Variants in TSHZ2 observed in about 807,000 individuals in gnomAD.
TSHZ2 encodes the protein teashirt zinc finger homeobox 2.
A neutral mutation model predicts 74.4 loss-of-function variants in TSHZ2; 21 were observed. The ratio of observed to expected loss-of-function variants is 0.28; its 90% CI spans 0.20 to 0.41. The LOEUF (loss-of-function observed/expected upper bound fraction) is 0.41, where lower values mean the gene tolerates loss of function less well. TSHZ2 is among the 10% of genes least tolerant of loss of function. The pLI is 1.00. For synonymous variants in TSHZ2, 540 were observed against 515.3 expected (o/e 1.05, Z -0.65); for missense variants, 1,244 against 1,293.5 (o/e 0.96, Z 0.59).
chr20:53,397,134 T>C (rs1445712430), intron 2 of TSHZ2, among the ~76,000 whole-genome samples: 2 of 152,126 alleles, frequency 1.3e-5, no homozygotes, highest in African/African-American at 2.4e-5. Flanking sequence ...TGGGATCTAA[T>C]TAAACTAAAG....
At chr20:53,290,140 G>C (rs1415275592) in intron 2 of TSHZ2, among the ~76,000 whole-genome samples, 5 of 152,128 alleles carry the variant, frequency 3.3e-5, no homozygotes, top group African/African-American at 1.2e-4. Context: ...TGTGGAGTCA[G>C]TTGGAGCTAA....
At chr20:53,195,816 C>T (rs1325903807) in intron 1 of TSHZ2, among the ~76,000 whole-genome samples, 3 of 152,148 alleles carry the variant, frequency 2.0e-5, no homozygotes, top group Admixed American at 6.5e-5. Context: ...TAGTATTTCA[C>T]GGAGCAGCCC....
chr20:53,372,937 C>A (rs1412200731), intron 2 of TSHZ2, among the ~76,000 whole-genome samples: 1 of 151,962 alleles, frequency 6.6e-6, no homozygotes, highest in African/African-American at 2.4e-5. Flanking sequence ...GAATAAAGGA[C>A]TTCAAGAAAA....
chr20:53,343,860 A>C (rs1225075053), intron 2 of TSHZ2, among the ~76,000 whole-genome samples: 4 of 152,196 alleles, frequency 2.6e-5, no homozygotes, highest in Non-Finnish European at 5.9e-5. Context: ...AAAATGAGAC[A>C]CTTAGGAGAG....
intron 2 of TSHZ2, among the ~76,000 whole-genome samples, chr20:53,300,621 A>G (rs980498575): frequency 3.9e-5 from 6 of 152,340 alleles, no homozygotes; most frequent in African/African-American, 1.4e-4. Flanking sequence ...CTTTTCTTTT[A>G]AAATGAGTAG....
chr20:53,417,285 T>G (rs995034155), intron 2 of TSHZ2, among the ~76,000 whole-genome samples: 2 of 132,662 alleles, frequency 1.5e-5, no homozygotes, highest in African/African-American at 5.4e-5. Context: ...CACACCATAG[T>G]TTTTTTTTTT....
At chr20:53,225,631 C>A (rs1028706638) in intron 1 of TSHZ2, among the ~76,000 whole-genome samples, 7 of 152,200 alleles carry the variant, frequency 4.6e-5, no homozygotes, top group Non-Finnish European at 8.8e-5. Context: ...GCTATGGCAA[C>A]TATTGGTAGT....
At chr20:53,100,616 A>G (rs1360399796) in intron 1 of TSHZ2, among the ~76,000 whole-genome samples, 3 of 152,088 alleles carry the variant, frequency 2.0e-5, no homozygotes, top group Admixed American at 6.6e-5. Flanking sequence ...GTTTGTGTCA[A>G]CGTTCCCAAG....
At chr20:53,446,026 C>T (rs1984530237) in intron 2 of TSHZ2, among the ~76,000 whole-genome samples, 1 of 152,154 alleles carries the variant, frequency 6.6e-6, no homozygotes, top group Admixed American at 6.5e-5. Context: ...GATGCACCAA[C>T]AACCCCAGTA....
chr20:53,125,327 C>A (rs931447885), intron 1 of TSHZ2, among the ~76,000 whole-genome samples: 5 of 152,122 alleles, frequency 3.3e-5, no homozygotes, highest in African/African-American at 1.2e-4. Flanking sequence ...CCTGGTTACC[C>A]GCTGAGTGGC....
At chr20:53,058,962 T>C (rs1239573382) in intron 1 of TSHZ2, among the ~76,000 whole-genome samples, 1 of 152,240 alleles carries the variant, frequency 6.6e-6, no homozygotes, top group Non-Finnish European at 1.5e-5. Flanking sequence ...TTTCTCCACA[T>C]CCTATCCTGA....
intron 2 of TSHZ2, among the ~76,000 whole-genome samples, chr20:53,441,260 ATTTT>A (rs1438001033): frequency 4.8e-4 from 69 of 142,512 alleles, no homozygotes; most frequent in African/African-American, 1.6e-3. Flanking sequence ...ATTTTATTTT[ATTTT>A]ATTTTATTTT....
chr20:53,427,287 GC>G lies in TSHZ2; in HGVS notation c.*9-59856del, dbSNP rs1449663874. Reference sequence around the variant, plus strand: ...CTGAATGGATATTATGCTAGATGAAGCAGTGAGCTGTGAAATTAACCCTTGA... The same window carrying G: ...CTGAATGGATATTATGCTAGATGAAGAGTGAGCTGTGAAATTAACCCTTGA... On this transcript the variant is annotated intron_variant, in intron 2 of 2. Transcript: ENST00000371497. 3.3e-5 allele frequency among the ~76,000 whole-genome samples: 5 copies of G among 152,280 alleles called. No homozygotes were observed. In the South Asian group the frequency reaches 6.2e-4, roughly 19 times the overall value.
At chr20:53,050,124 T>TACATATATATGTGTATATATATATAC (rs1984388796) in intron 1 of TSHZ2, among the ~76,000 whole-genome samples, 4 of 107,208 alleles carry the variant, frequency 3.7e-5, no homozygotes, top group African/African-American at 2.6e-4. Flanking sequence ...TATATATATA[T>TACATATATATGTGTATATATATATAC]ACACATATAT....
rs187525844 is a variant in TSHZ2 at position 53,024,602 on chromosome 20, C to G, written c.40+51269C>G. 1.8e-3 allele frequency among the ~76,000 whole-genome samples: 278 copies of G among 151,992 alleles called. 1 individual carries two copies. The highest frequency in any genetic ancestry group is 6.2e-3 in the African/African-American group (256 of 41,450). The stretch of plus-strand genomic sequence containing the variant: ...ATGGTGGTTTGCTGCACCCATCAAC[C>G]CATCATTTACATTAGGTATTTCTCC... On this transcript the variant is annotated intron_variant, in intron 1 of 2. Transcript: ENST00000371497.
At chr20:53,448,179 C>T (rs547514499) in intron 2 of TSHZ2, among the ~76,000 whole-genome samples, 41 of 152,270 alleles carry the variant, frequency 2.7e-4, no homozygotes, top group Non-Finnish European at 5.0e-4. Context: ...TGGAAGAAGA[C>T]TTTAATCGGG....
At chr20:53,197,538 CGTATTCACACT>C (rs1164294868) in intron 1 of TSHZ2, among the ~76,000 whole-genome samples, 26 of 152,180 alleles carry the variant, frequency 1.7e-4, no homozygotes, top group Non-Finnish European at 2.9e-5. Context: ...CTGAAATCAC[CGTATTCACACT>C]GTGGGAAATG....
intron 2 of TSHZ2, among the ~76,000 whole-genome samples, chr20:53,354,742 GC>G (rs771321811): frequency 6.6e-6 from 1 of 152,180 alleles, no homozygotes; most frequent in Non-Finnish European, 1.5e-5. Context: ...TCATATACAA[GC>G]AAGACTTTCC....
chr20:53,031,238 T>G (rs1474946820), intron 1 of TSHZ2, among the ~76,000 whole-genome samples: 1 of 152,228 alleles, frequency 6.6e-6, no homozygotes, highest in African/African-American at 2.4e-5. Context: ...TCACAAGCTT[T>G]GAAGGTGCTA....
Sources: gnomAD v4.1 joint callset for allele counts (sites outside exome capture counted in the v4.1 genomes callset) on GRCh38, gnomAD v4.1.1 for gene constraint, MANE v1.5 for transcripts, NCBI Gene and HGNC (gene_info 2026-07-23, HGNC 2026-07-21) for gene names.